The following CSMD1 variants were observed in gnomAD, a reference collection of about 807,000 sequenced individuals.
CSMD1 encodes CUB and sushi domain-containing protein 1.
A neutral mutation model predicts 417.5 loss-of-function variants in CSMD1; 213 were observed. That is an observed-to-expected ratio of 0.51 (90% confidence interval 0.46 to 0.57). CSMD1 has a LOEUF of 0.57. CSMD1 is among the 20% of genes least tolerant of loss of function. The pLI is 0.00. For missense variants in CSMD1, 6,923 were observed against 4,529.7 expected (o/e 1.53, Z -15.17); for synonymous variants, 2,862 against 1,736.8 (o/e 1.65, Z -16.11).
intron 1 of CSMD1, among the ~76,000 whole-genome samples, chr8:4,970,252 G>C (rs1810154811): frequency 6.6e-6 from 1 of 152,102 alleles, no homozygotes. Context: ...TGAGTAAGTT[G>C]TGAGTCTCTT....
intron 2 of CSMD1, among the ~76,000 whole-genome samples, chr8:4,584,836 C>A (rs1799620139): frequency 6.6e-6 from 1 of 152,120 alleles, no homozygotes; most frequent in South Asian, 2.1e-4. Flanking sequence ...TTTCTAGTTT[C>A]TCCTATAAGA....
chr8:3,823,861 T>G (rs1278217958), intron 5 of CSMD1, among the ~76,000 whole-genome samples: 1 of 152,300 alleles, frequency 6.6e-6, no homozygotes, highest in East Asian at 1.9e-4. Flanking sequence ...TAACTTAATT[T>G]AAATACTTTT....
intron 2 of CSMD1, among the ~76,000 whole-genome samples, chr8:4,519,752 A>AAG (rs1803331391): frequency 2.7e-5 from 2 of 74,846 alleles, no homozygotes; most frequent in Non-Finnish European, 5.6e-5. Flanking sequence ...CAAAAAAAAA[A>AAG]AAAAAAAAAA....
intron 12 of CSMD1, among the ~76,000 whole-genome samples, chr8:3,433,473 T>C (rs1238162885): frequency 6.6e-6 from 1 of 152,220 alleles, no homozygotes; most frequent in African/African-American, 2.4e-5. Flanking sequence ...GTTGGTGTTG[T>C]GTGGTGTGGG....
chr8:4,694,125 G>A (rs559162812), intron 1 of CSMD1, among the ~76,000 whole-genome samples: 1 of 152,076 alleles, frequency 6.6e-6, no homozygotes, highest in Non-Finnish European at 1.5e-5. Flanking sequence ...CCTCCCTCAC[G>A]ATTTGTCCAC....
Position 3,068,170 on chromosome 8 carries a change from C to T in CSMD1, c.7475-15523G>A, listed in dbSNP as rs919805647. On this transcript the variant is annotated intron_variant, in intron 49 of 69. Coordinates refer to ENST00000635120, the MANE Select transcript of CSMD1 (RefSeq NM_033225.6). ...AAACACTGTCTCAGGTAGTTTTCAC[C>T]ATTTCTCTCTGTGGTAATTTTCTTC... 2.6e-5 allele frequency among the ~76,000 whole-genome samples: 4 copies of T among 152,172 alleles called. No individual in the cohort carries two copies. In the East Asian group the frequency reaches 7.7e-4, roughly 29 times the overall value.
chr8:4,739,995 A>G lies in CSMD1; in HGVS notation c.86-102437T>C, dbSNP rs575331662. On this transcript the variant is annotated intron_variant, in intron 1 of 69. Transcript: ENST00000635120. ...TGACTGGCCAGCCGCCTGCCCAGGC[A>G]TCTTCCTTTCCCACCCTGAGCTTCA... 4.6e-5 allele frequency among the ~76,000 whole-genome samples: 7 copies of G among 152,240 alleles called. No individual in the cohort carries two copies. The South Asian group carries it at 1.4e-3, about 32-fold the overall frequency.
At chr8:2,994,629 A>G (rs965229202) in intron 54 of CSMD1, among the ~76,000 whole-genome samples, 14 of 152,348 alleles carry the variant, frequency 9.2e-5, no homozygotes, top group South Asian at 2.1e-4. Context: ...AAAGCCATCA[A>G]TGTTTTATCT....
chr8:3,773,782 A>C (rs1313854818), intron 5 of CSMD1, among the ~76,000 whole-genome samples: 1 of 152,190 alleles, frequency 6.6e-6, no homozygotes, highest in Admixed American at 6.5e-5. Context: ...CAGAATAAAT[A>C]TCATTCAAGT....
intron 3 of CSMD1, among the ~76,000 whole-genome samples, chr8:4,360,942 T>C (rs1299903831): frequency 6.6e-6 from 1 of 152,202 alleles, no homozygotes; most frequent in African/African-American, 2.4e-5. Flanking sequence ...TTTTTAATCA[T>C]TTCATGGGAC....
chr8:3,886,450 G>T (rs751536178), intron 5 of CSMD1, among the ~76,000 whole-genome samples: 5 of 152,184 alleles, frequency 3.3e-5, no homozygotes, highest in Non-Finnish European at 7.3e-5. Context: ...TCTTTACAAG[G>T]CCAGATAATA....
At chr8:3,487,346 C>T (rs868622822) in intron 11 of CSMD1, among the ~76,000 whole-genome samples, 13 of 152,040 alleles carry the variant, frequency 8.6e-5, no homozygotes, top group African/African-American at 9.7e-5. Flanking sequence ...GGACTACAGG[C>T]GCCCGCCACC....
chr8:3,556,446 G>A lies in CSMD1; in HGVS notation c.1344+18499C>T, dbSNP rs143453657. Reference sequence around the variant, plus strand: ...ACACAAAGAATTTATGAGGGATCCTGTGGGTTGAGATAATTTGTTCAGTCC... The same window carrying A: ...ACACAAAGAATTTATGAGGGATCCTATGGGTTGAGATAATTTGTTCAGTCC... On this transcript the variant is annotated intron_variant, in intron 10 of 69. Transcript: ENST00000635120. Among the ~76,000 whole-genome samples, 249 of 133,782 alleles carry A rather than the reference G, an allele frequency of 1.9e-3. 2 individuals carry two copies. The highest frequency in any genetic ancestry group is 6.8e-3 in the African/African-American group (233 of 34,448). The allele number at this position is 133,782 out of a possible 152,430, so 87.8% of individuals were successfully genotyped here.
At chr8:3,222,538 T>C (rs1226955541) in intron 28 of CSMD1, among the ~76,000 whole-genome samples, 4 of 152,120 alleles carry the variant, frequency 2.6e-5, no homozygotes, top group Non-Finnish European at 4.4e-5. Flanking sequence ...TTCAAACTTC[T>C]GAACTCAAGT....
intron 1 of CSMD1, among the ~76,000 whole-genome samples, chr8:4,683,351 G>C (rs183494426): frequency 3.9e-5 from 6 of 152,218 alleles, no homozygotes; most frequent in Admixed American, 3.3e-4. Context: ...GGCCCATTTG[G>C]AGTGGTTCTC....
chr8:4,410,467 G>A (rs1276274465), intron 3 of CSMD1, among the ~76,000 whole-genome samples: 2 of 152,054 alleles, frequency 1.3e-5, no homozygotes, highest in Admixed American at 6.6e-5. Context: ...AATATTTGAT[G>A]GTGTTTAAAT....
At chr8:4,228,001 A>G (rs1801463365) in intron 3 of CSMD1, among the ~76,000 whole-genome samples, 1 of 150,848 alleles carries the variant, frequency 6.6e-6, no homozygotes, top group African/African-American at 2.4e-5. Context: ...ATTAAACCCC[A>G]CACCTGGAGA....
At chr8:4,906,324 G>C (rs189799366) in intron 1 of CSMD1, among the ~76,000 whole-genome samples, 1 of 152,252 alleles carries the variant, frequency 6.6e-6, no homozygotes, top group East Asian at 1.9e-4. Flanking sequence ...GCTTTATTAA[G>C]TATTATTTTC....
At chr8:2,940,536 G>C (rs1801798659) in intron 69 of CSMD1, among the ~76,000 whole-genome samples, 2 of 152,120 alleles carry the variant, frequency 1.3e-5, no homozygotes, top group African/African-American at 4.8e-5. Context: ...TCTGTAATCT[G>C]AGATCTCTTT....
Sources: allele counts gnomAD v4.1 joint callset (sites outside exome capture counted in the v4.1 genomes callset), GRCh38; gene constraint gnomAD v4.1.1; transcripts MANE v1.5; gene names NCBI Gene and HGNC (gene_info 2026-07-23, HGNC 2026-07-21).